Variants in MYADM observed in about 807,000 individuals in gnomAD.
MYADM encodes the protein myeloid-associated differentiation marker.
For missense variants in MYADM, 416 were observed against 443.4 expected (o/e 0.94, Z 0.56); for synonymous variants, 224 against 210.2 (o/e 1.07, Z -0.57).
At position 53,868,360 on chromosome 19, in the gene MYADM, T is replaced by A. The variant is rs1184636919; in HGVS notation, c.-88+417T>A. ...GAGAGATGGGGACTCGTAGGTGCCC[T>A]AGTTGGAGGCTGGAATCTGGTACGT... is the stretch of plus-strand genomic sequence containing the variant. On this transcript the variant is annotated intron_variant, in intron 1 of 2. Transcript: ENST00000391770. The surrounding 1 kb of genome is among the most constrained non-coding windows in gnomAD (Gnocchi z 6.3). 6.6e-6 allele frequency among the ~76,000 whole-genome samples: 1 copy of A among 151,666 alleles called. No homozygotes were observed. Among genetic ancestry groups the A allele is most frequent in the Non-Finnish European group, 1.5e-5 (1 of 67,900 alleles).
Position 53,874,288 on chromosome 19 carries a change from C to T in MYADM, c.759C>T (p.Thr253=), listed in dbSNP as rs139333242. ...LALLSVLLYA[T]ALVLWPLYQF... ...TGCTGTCTGTCCTCCTCTATGCCACCGCCCTTGTTCTCTGGCCCCTCTACC... is the reference window on the plus strand; with the variant it reads ...TGCTGTCTGTCCTCCTCTATGCCACTGCCCTTGTTCTCTGGCCCCTCTACC... Residue 253 remains threonine, a synonymous_variant, in exon 3 of 3, where the codon ACC becomes ACT. Transcript: ENST00000391770. 8.2e-4 allele frequency: 1,319 copies of T among 1,608,868 alleles called. 17 individuals are homozygous for T. In the African/African-American group the frequency reaches 0.015, roughly 19 times the overall value.
rs780357518 is a variant in MYADM at position 53,874,011 on chromosome 19, G to T, written c.482G>T (p.Arg161Leu). ...ACCGAAGTGGCCTGGACCCGGGCCC[G>T]GCCCGGCGAGATCACTGGCTATATG... ...YATEVAWTRA[R>L]PGEITGYMAT... is the part of the protein sequence containing the mutation. Residue 161 changes from arginine (R) to leucine (L), a missense_variant, in exon 3 of 3, where the codon CGG becomes CTG. Coordinates refer to ENST00000391770, the MANE Select transcript of MYADM (RefSeq NM_138373.5). The T allele has an allele frequency of 1.2e-6, 2 of 1,608,376 alleles. No homozygotes were observed. Among genetic ancestry groups the T allele is most frequent in the South Asian group, 2.2e-5 (2 of 91,092 alleles).
intron 1 of MYADM, chr19:53,869,063 C>T (rs1187844301): frequency 6.6e-6 from 1 of 152,318 alleles, no homozygotes; most frequent in Non-Finnish European, 1.5e-5. Flanking sequence ...CAGGCAGTGT[C>T]TGGCTCCGGG....
At chr19:53,871,908 T>C (rs2068397331) in intron 2 of MYADM, among the ~76,000 whole-genome samples, 3 of 152,040 alleles carry the variant, frequency 2.0e-5, no homozygotes, top group Admixed American at 2.0e-4. Context: ...TATTTTATTT[T>C]ATTTTTTGAG....
At chr19:53,871,523 G>A (rs763954698) in intron 2 of MYADM, among the ~76,000 whole-genome samples, 6 of 152,190 alleles carry the variant, frequency 3.9e-5, no homozygotes, top group Non-Finnish European at 8.8e-5. Context: ...GGTAGGGAGA[G>A]GAGGAGGCCG....
intron 2 of MYADM, among the ~76,000 whole-genome samples, chr19:53,870,161 G>T (rs1356066029): frequency 9.1e-6 from 1 of 109,336 alleles, no homozygotes; most frequent in Non-Finnish European, 1.8e-5. Context: ...TGGGGGCCTG[G>T]GCTCCTGGGT....
intron 2 of MYADM, chr19:53,872,674 T>C (rs1268708137): frequency 6.6e-6 from 1 of 151,766 alleles, no homozygotes; most frequent in Non-Finnish European, 1.5e-5. Flanking sequence ...ACCCAGCTAA[T>C]TAAAAAATTT....
chr19:53,867,521 C>T (rs1247719702), upstream of MYADM, among the ~76,000 whole-genome samples: 1 of 152,172 alleles, frequency 6.6e-6, no homozygotes, highest in Non-Finnish European at 1.5e-5. Context: ...AAACCCTAAA[C>T]ATGCGGGGTT....
intron 1 of MYADM, 53 bp downstream of exon 1, chr19:53,867,996 G>C (rs540267702): frequency 1.3e-5 from 2 of 152,852 alleles, no homozygotes; most frequent in South Asian, 4.1e-4. Context: ...GGTCTTTATG[G>C]CCAGAGAGAG....
In MYADM at chr19:53,873,638, G is replaced by A. The variant is rs762825365; in HGVS notation, c.109G>A (p.Gly37Ser). The change falls in exon 3 of 3, where the codon GGT (glycine) becomes AGT (serine). Residue 37 changes from glycine to serine, a missense_variant. By Grantham distance (56) the Gly-to-Ser change is moderately conservative. Coordinates refer to ENST00000391770, the MANE Select transcript of MYADM (RefSeq NM_138373.5). The surrounding 1 kb of genome is among the most constrained non-coding windows in gnomAD (Gnocchi z 4.3). Reference protein sequence around the residue: ...GSPRALTQPLGLLRLLQLVST... With the variant: ...GSPRALTQPLSLLRLLQLVST... ...CCCTCGGGCCCTGACACAGCCCCTG[G>A]GTCTCCTTCGCCTGCTGCAGCTGGT... 20 of 1,614,128 alleles carry A rather than the reference G, an allele frequency of 1.2e-5. No homozygotes were observed. In the South Asian group the frequency reaches 2.2e-4, roughly 18 times the overall value.
chr19:53,872,451 C>T (rs2068410739), intron 2 of MYADM, among the ~76,000 whole-genome samples: 1 of 151,878 alleles, frequency 6.6e-6, no homozygotes, highest in African/African-American at 2.4e-5. Flanking sequence ...CCACCTTGGC[C>T]TCCGAAGTGC....
intron 2 of MYADM, among the ~76,000 whole-genome samples, chr19:53,870,913 G>A (rs1010509553): frequency 6.6e-6 from 1 of 152,134 alleles, no homozygotes; most frequent in Non-Finnish European, 1.5e-5. Flanking sequence ...AAGGGTCCAG[G>A]GCCAGAGGTC....
In MYADM at chr19:53,873,538, G is replaced by T; in HGVS notation, c.9G>T (p.Val3=). The part of the protein sequence containing the change: MP[V]TVTRTTITTT... Reference sequence around the variant, plus strand: ...TTCCCCTTTTTGCAGCCATGCCAGTGACGGTAACCCGCACCACCATCACAA... The same window carrying T: ...TTCCCCTTTTTGCAGCCATGCCAGTTACGGTAACCCGCACCACCATCACAA... The change falls in exon 3 of 3, where the codon GTG becomes GTT. Residue 3 remains valine, a synonymous_variant. Transcript: ENST00000391770. This position sits in a 1 kb window ranked among gnomAD's most constrained non-coding sequence, Gnocchi z 4.3. The T allele has an allele frequency of 6.3e-7, 1 of 1,599,482 alleles. No individual in the cohort carries two copies. The highest frequency in any genetic ancestry group is 8.5e-7 in the Non-Finnish European group (1 of 1,171,220).
Position 53,873,964 on chromosome 19 carries a change from C to T in MYADM, c.435C>T (p.Cys145=). The stretch of plus-strand genomic sequence containing the variant: ...CCATCGCCGCCACCTTCTTCTCCTG[C>T]ATCGCGTGTGTGGCTTACGCCACCG... The part of the protein sequence containing the change: ...DHAIAATFFS[C]IACVAYATEV... Residue 145 remains cysteine, a synonymous_variant, in exon 3 of 3, where the codon TGC becomes TGT. Coordinates refer to ENST00000391770, the MANE Select transcript of MYADM (RefSeq NM_138373.5). This position sits in a 1 kb window ranked among gnomAD's most constrained non-coding sequence, Gnocchi z 4.3. 6.2e-7 allele frequency: 1 copy of T among 1,610,262 alleles called. No individual in the cohort carries two copies. Among genetic ancestry groups the T allele is most frequent in the Non-Finnish European group, 8.5e-7 (1 of 1,180,014 alleles).
chr19:53,866,328 C>T (rs1305410200), upstream of MYADM: 3 of 152,258 alleles, frequency 2.0e-5, no homozygotes, highest in Admixed American at 6.5e-5. This position sits in a 1 kb window ranked among gnomAD's most constrained non-coding sequence, Gnocchi z 4.3. Context: ...GCCCCGTTAG[C>T]TCAGCGTCGC....
In MYADM at chr19:53,873,009, A is replaced by G. The variant is rs1222187805; in HGVS notation, c.-2-519A>G. Among the ~76,000 whole-genome samples, 1 of 152,194 alleles carries G rather than the reference A, an allele frequency of 6.6e-6. No individual in the cohort carries two copies. The highest frequency in any genetic ancestry group is 1.5e-5 in the Non-Finnish European group (1 of 68,028). On this transcript the variant is annotated intron_variant, in intron 2 of 2. Transcript: ENST00000391770. This position sits in a 1 kb window ranked among gnomAD's most constrained non-coding sequence, Gnocchi z 4.3. ...GCCTAGACTCCTGGATTCTGATACGAGTAGGGGAGGAGTGAGCCTTGAACC... is the reference window on the plus strand; with the variant it reads ...GCCTAGACTCCTGGATTCTGATACGGGTAGGGGAGGAGTGAGCCTTGAACC...
At position 53,873,650 on chromosome 19, in the gene MYADM, C is replaced by T. The variant is rs1161144564; in HGVS notation, c.121C>T (p.Leu41=). Residue 41 remains leucine, a synonymous_variant, in exon 3 of 3, where the codon CTG becomes TTG. Transcript: ENST00000391770. This position sits in a 1 kb window ranked among gnomAD's most constrained non-coding sequence, Gnocchi z 4.3. ...GACACAGCCCCTGGGTCTCCTTCGC[C>T]TGCTGCAGCTGGTGTCTACCTGCGT... is the stretch of plus-strand genomic sequence containing the variant. ...ALTQPLGLLR[L]LQLVSTCVAF... The T allele has an allele frequency of 6.2e-7, 1 of 1,614,204 alleles. No homozygotes were observed. The highest frequency in any genetic ancestry group is 1.3e-5 in the African/African-American group (1 of 75,064).
At position 53,876,261 on chromosome 19, in the gene MYADM, G is replaced by GATATATATATATAT. The variant is rs4023843; in HGVS notation, c.*1771_*1784dup. The stretch of plus-strand genomic sequence containing the variant: ...TGTCTGGGACTCACATACATAACGT[G>GATATATATATATAT]ATATATATATATATATATATAAATG... On this transcript the variant is annotated 3_prime_UTR_variant, in exon 3 of 3. Transcript: ENST00000391770. The GATATATATATATAT allele has an allele frequency of 2.7e-4, 40 of 149,776 alleles. No homozygotes were observed. The highest frequency in any genetic ancestry group is 9.2e-4 in the African/African-American group (36 of 39,132). The allele number at this position is 149,776 out of a possible 1,614,324, so 9.3% of individuals were successfully genotyped here. A position where few individuals can be genotyped will look rare whatever the true frequency, so the allele number is the denominator to read the frequency against.
intron 2 of MYADM, among the ~76,000 whole-genome samples, chr19:53,870,788 G>C (rs74572207): frequency 2.0e-5 from 3 of 152,134 alleles, no homozygotes; most frequent in Non-Finnish European, 4.4e-5. Context: ...CTAAGAGGAC[G>C]GGCACTTGAT....
Sources: allele counts gnomAD v4.1 joint callset (sites outside exome capture counted in the v4.1 genomes callset), GRCh38; gene constraint gnomAD v4.1.1; non-coding constraint Gnocchi (gnomAD v3.1); transcripts MANE v1.5; gene names NCBI Gene and HGNC (gene_info 2026-07-23, HGNC 2026-07-21).